The following PGLYRP4 variants were observed in gnomAD, a reference collection of about 807,000 sequenced individuals.
The protein encoded by PGLYRP4 is peptidoglycan recognition protein 4.
In PGLYRP4, 39 loss-of-function variants were observed where a neutral mutation model predicts 41.2. That is an observed-to-expected ratio of 0.95 (90% CI 0.73 to 1.24). The LOEUF is 1.24. Among genes scored for constraint, PGLYRP4 ranks in the 50% most tolerant of loss-of-function variants. The probability of loss-of-function intolerance (pLI) is 0.00; values close to 1 mark genes in which losing one functional copy is unlikely to be tolerated. For missense variants in PGLYRP4, 467 were observed against 460.7 expected (o/e 1.01, Z -0.13); for synonymous variants, 202 against 186.8 (o/e 1.08, Z -0.66).
In PGLYRP4 at chr1:153,340,397, A is replaced by G. The variant is rs754576304; in HGVS notation, c.808T>C (p.Cys270Arg). Reference sequence around the variant, plus strand: ...CCCACTCACTTATAACCAATGTCGCATGACTTGAGCCTGTCTATGTAGAAA... The same window carrying G: ...CCCACTCACTTATAACCAATGTCGCGTGACTTGAGCCTGTCTATGTAGAAA... ...QSFYIDRLKS[C>R]DIGYNFLVGQ... Residue 270 changes from cysteine to arginine, a missense_variant, in exon 7 of 9, where the codon TGC becomes CGC. Transcript: ENST00000359650. 6 of 1,614,148 alleles carry G rather than the reference A, an allele frequency of 3.7e-6. No individual in the cohort carries two copies. Among genetic ancestry groups the G allele is most frequent in the East Asian group, 2.2e-5 (1 of 44,882 alleles).
intron 2 of PGLYRP4, among the ~76,000 whole-genome samples, chr1:153,347,516 G>A (rs1661067555): frequency 6.6e-6 from 1 of 151,688 alleles, no homozygotes; most frequent in South Asian, 2.1e-4. Context: ...TGGAACTAGA[G>A]GCATGTGCCA....
intron 1 of PGLYRP4, 75 bp from the exon 2 acceptor site, chr1:153,348,053 G>C: frequency 2.6e-6 from 2 of 781,596 alleles, no homozygotes; most frequent in Non-Finnish European, 4.3e-6. Flanking sequence ...ACTGCAGTGG[G>C]TGCCATCTGC....
intron 7 of PGLYRP4, among the ~76,000 whole-genome samples, chr1:153,338,408 C>T (rs952423774): frequency 1.4e-4 from 21 of 152,204 alleles, no homozygotes; most frequent in African/African-American, 2.7e-4. Context: ...TCAGATCTCA[C>T]GGCCTCCAGT....
At chr1:153,338,840 C>T (rs1660675907) in intron 7 of PGLYRP4, among the ~76,000 whole-genome samples, 1 of 152,166 alleles carries the variant, frequency 6.6e-6, no homozygotes. Flanking sequence ...CTCCATGTGT[C>T]CCCTATAATA....
intron 5 of PGLYRP4, 96 bp downstream of exon 5, chr1:153,342,994 G>GAAA (rs1660859937): frequency 1.4e-6 from 1 of 730,590 alleles, no homozygotes; most frequent in Non-Finnish European, 2.4e-6. Context: ...AGAAGGATAA[G>GAAA]ACAGCAGAGT....
chr1:153,333,603 C>A (rs1004409114), intron 8 of PGLYRP4, among the ~76,000 whole-genome samples: 2 of 152,026 alleles, frequency 1.3e-5, no homozygotes, highest in African/African-American at 4.8e-5. Context: ...CAGGTAAGGA[C>A]ACAACAACAA....
chr1:153,341,969 T>C (rs1275816058), intron 5 of PGLYRP4, among the ~76,000 whole-genome samples, 190 bp from the exon 6 acceptor site: 3 of 152,142 alleles, frequency 2.0e-5, no homozygotes, highest in African/African-American at 7.2e-5. Flanking sequence ...TGGCTCAAAA[T>C]GAAGTCCTTT....
At position 153,346,066 on chromosome 1, in the gene PGLYRP4, G is replaced by A. The variant is rs200487767; in HGVS notation, c.139+36C>T. 1.1e-4 allele frequency: 156 copies of A among 1,478,756 alleles called. No homozygotes were observed. In the East Asian group the frequency reaches 2.4e-3, roughly 23 times the overall value. The allele number at this position is 1,478,756 out of a possible 1,614,324, so 91.6% of individuals were successfully genotyped here. On this transcript the variant is annotated intron_variant, in intron 3 of 8. Coordinates refer to ENST00000359650, the MANE Select transcript of PGLYRP4 (RefSeq NM_020393.4). ...CCGATCACATGAAAAACCCCAGCTCGTCCCAAAACCCCCTTACTATCCAGA... is the reference window on the plus strand; with the variant it reads ...CCGATCACATGAAAAACCCCAGCTCATCCCAAAACCCCCTTACTATCCAGA...
chr1:153,347,176 C>CAGTT (rs2101581568), intron 2 of PGLYRP4, among the ~76,000 whole-genome samples: 1 of 152,022 alleles, frequency 6.6e-6, no homozygotes, highest in African/African-American at 2.4e-5. Flanking sequence ...CGGGTTCAAG[C>CAGTT]AGTTCTCTCA....
chr1:153,335,460 A>G (rs1179093963), intron 8 of PGLYRP4, among the ~76,000 whole-genome samples: 3 of 152,338 alleles, frequency 2.0e-5, no homozygotes, highest in African/African-American at 7.2e-5. Flanking sequence ...ACTAATCATC[A>G]GAGAAATGCA....
chr1:153,332,996 C>A (rs904375314), intron 8 of PGLYRP4, among the ~76,000 whole-genome samples: 27 of 151,672 alleles, frequency 1.8e-4, no homozygotes, highest in African/African-American at 4.4e-4. Context: ...ACAAAAAAAA[C>A]CCAAAACTAG....
In PGLYRP4 at chr1:153,345,206, G is replaced by C; in HGVS notation, c.316C>G (p.His106Asp). Residue 106 changes from histidine (H) to aspartate (D), a missense_variant, in exon 4 of 9, where the codon CAT (histidine) becomes GAT (aspartate). His to Asp is a moderately conservative substitution (Grantham distance 81, BLOSUM62 -1). Coordinates refer to ENST00000359650, the MANE Select transcript of PGLYRP4 (RefSeq NM_020393.4). Reference sequence around the variant, plus strand: ...TCACACCCACTGTTGTTGTGGACATGATGGGCCTGCAGTTCCCGCAGTCTC... The same window carrying C: ...TCACACCCACTGTTGTTGTGGACATCATGGGCCTGCAGTTCCCGCAGTCTC... ...SQRLRELQAHHVHNNSGCDVA... is the reference protein window; with the variant it reads ...SQRLRELQAHDVHNNSGCDVA... 6.2e-7 allele frequency: 1 copy of C among 1,613,702 alleles called. No individual in the cohort carries two copies. The highest frequency in any genetic ancestry group is 8.5e-7 in the Non-Finnish European group (1 of 1,179,982).
At chr1:153,342,610 A>G (rs1387893669) in intron 5 of PGLYRP4, among the ~76,000 whole-genome samples, 1 of 151,634 alleles carries the variant, frequency 6.6e-6, no homozygotes, top group African/African-American at 2.4e-5. Flanking sequence ...AGAAAGAAGT[A>G]GAAGAGAGTC....
At chr1:153,345,617 T>C (rs541595511) in intron 3 of PGLYRP4, among the ~76,000 whole-genome samples, 1 of 152,232 alleles carries the variant, frequency 6.6e-6, no homozygotes, top group Non-Finnish European at 1.5e-5. Flanking sequence ...TGTCCCCTAC[T>C]CATCTCCTCC....
intron 2 of PGLYRP4, 77 bp downstream of exon 2, chr1:153,347,807 G>A: frequency 1.9e-6 from 2 of 1,068,378 alleles, no homozygotes; most frequent in South Asian, 2.6e-5. Flanking sequence ...TGGACAGTAG[G>A]TATTTTTTAA....
At chr1:153,340,111 C>T in intron 7 of PGLYRP4, among the ~76,000 whole-genome samples, 1 of 152,206 alleles carries the variant, frequency 6.6e-6, no homozygotes. Context: ...CCTCCAGTGA[C>T]TTTTTGGCAG....
In PGLYRP4 at chr1:153,330,636, A is replaced by G. The variant is rs141997282; in HGVS notation, c.*131T>C. On this transcript the variant is annotated 3_prime_UTR_variant, in exon 9 of 9. Transcript: ENST00000359650. ...GGCAGGAGAGGGCATGATCATCCCA[A>G]CCTGAAAAAGGAGGCACAGGACTGT... 4.3e-4 allele frequency: 304 copies of G among 700,220 alleles called. 2 individuals are homozygous for G. In the Middle Eastern group the frequency reaches 6.4e-3, roughly 15 times the overall value. The allele number at this position is 700,220 out of a possible 1,614,324, so 43.4% of individuals were successfully genotyped here.
chr1:153,337,875 C>G (rs1660634032), intron 7 of PGLYRP4, among the ~76,000 whole-genome samples: 1 of 152,180 alleles, frequency 6.6e-6, no homozygotes, highest in Non-Finnish European at 1.5e-5. Flanking sequence ...CTCTTGACTT[C>G]TCCAAACACT....
rs756382262 is a variant in PGLYRP4 at position 153,345,372 on chromosome 1, T to C, written c.150A>G (p.Thr50=). 1.9e-6 allele frequency: 3 copies of C among 1,614,004 alleles called. No homozygotes were observed. In the East Asian group the frequency reaches 6.7e-5, roughly 36 times the overall value. The change falls in exon 4 of 9, where the codon ACA becomes ACG. Residue 50 remains threonine (T), a synonymous_variant. Transcript: ENST00000359650. ...TGCGAGAGACCGTGGTGGAGACATC[T>C]GTGGGAAGGCCTTGGGGACGTCACT... ...ISQLTEKGLP[T]DVSTTVSRKA... is the part of the protein sequence containing the mutation.
Sources: gnomAD v4.1 joint callset for allele counts (sites outside exome capture counted in the v4.1 genomes callset) on GRCh38, gnomAD v4.1.1 for gene constraint, MANE v1.5 for transcripts, NCBI Gene and HGNC (gene_info 2026-07-23, HGNC 2026-07-21) for gene names.